The following PLEKHG2 variants were observed in gnomAD, a reference collection of about 807,000 sequenced individuals.
The protein encoded by PLEKHG2 is pleckstrin homology domain-containing family G member 2.
Under a neutral mutation model 104.4 loss-of-function variants are expected in PLEKHG2, and 71 were observed. The ratio of observed to expected loss-of-function variants is 0.68; its 90% confidence interval spans 0.56 to 0.83. The LOEUF (loss-of-function observed/expected upper bound fraction) is 0.83, where lower values mean the gene tolerates loss of function less well. Ranked by LOEUF, PLEKHG2 falls within the 40% of genes least tolerant of loss-of-function variation. PLEKHG2 has a pLI of 0.00. For synonymous variants in PLEKHG2, 728 were observed against 737.0 expected, an observed-to-expected ratio of 0.99 and a Z score of 0.20; for missense variants, 1,730 against 1,809.4, an observed-to-expected ratio of 0.96 and a Z score of 0.80.
chr19:39,425,345 AC>A lies in PLEKHG2; in HGVS notation c.*54del. On this transcript the variant is annotated 3_prime_UTR_variant, in exon 19 of 19. Transcript: ENST00000425673. The stretch of plus-strand genomic sequence containing the variant: ...CAAGGATTTCAGCCAGATGCCATAG[AC>A]CCTCAGAACTTGACCTGGAAGTCCA... The A allele has an allele frequency of 6.4e-7, 1 of 1,556,970 alleles. No individual in the cohort carries two copies. The highest frequency in any genetic ancestry group is 8.7e-7 in the Non-Finnish European group (1 of 1,154,832).
In PLEKHG2 at chr19:39,413,917, C is replaced by G. The variant is rs147217344; in HGVS notation, c.-22-148C>G. 555 of 552,338 alleles carry G rather than the reference C, an allele frequency of 1.0e-3. 3 individuals carry two copies. The highest frequency in any genetic ancestry group is 8.7e-3 in the African/African-American group (460 of 52,862). 34.2% of individuals were successfully genotyped at this position (552,338 alleles called of 1,614,324 possible). ...GTTCTCTCTCCTTGTCCCCTTCTTT[C>G]TGTCACTTTGTGCCTCCCCCATTAG... is the stretch of plus-strand genomic sequence containing the variant. On this transcript the variant is annotated intron_variant, in intron 1 of 18. Transcript: ENST00000425673. The surrounding 1 kb of genome is among the most constrained non-coding windows in gnomAD (Gnocchi z 4.5).
chr19:39,423,060 C>T lies in PLEKHG2; in HGVS notation c.2006C>T (p.Pro669Leu). 1 of 1,614,160 alleles carries T rather than the reference C, an allele frequency of 6.2e-7. No homozygotes were observed. Among genetic ancestry groups the T allele is most frequent in the Non-Finnish European group, 8.5e-7 (1 of 1,180,026 alleles). ...GACATTTCCGATGTTTTTGAGATGC[C>T]CTGCCTTCCAGCCATACCTAGTGTC... ...LSDISDVFEM[P>L]CLPAIPSVPN... The change falls in exon 18 of 19, where the codon CCC (proline) becomes CTC (leucine). Residue 669 changes from proline to leucine, a missense_variant. Pro to Leu is a moderately conservative substitution (Grantham distance 98, BLOSUM62 -3). Transcript: ENST00000425673.
rs2078563978 is a variant in PLEKHG2, at chr19:39,414,153, G to A, written c.67G>A (p.Gly23Ser). ...PSPSLGCGRR[G>S]EVCDCGTVCE... ...CCCAAGCCTCGGGTGTGGCCGAAGA[G>A]GTGAAGTGTGTGACTGTGGCACCGT... Residue 23 changes from glycine (G) to serine (S), a missense_variant, in exon 2 of 19, where the codon GGT becomes AGT. Physicochemically the swap from Gly to Ser is moderately conservative, Grantham distance 56. Transcript: ENST00000425673. The A allele has an allele frequency of 6.4e-7, 1 of 1,551,406 alleles. No homozygotes were observed. Among genetic ancestry groups the A allele is most frequent in the South Asian group, 1.2e-5 (1 of 84,052 alleles).
intron 1 of PLEKHG2, 31 bp from the exon 2 acceptor site, chr19:39,414,034 C>G: frequency 6.8e-7 from 1 of 1,477,820 alleles, no homozygotes; most frequent in Non-Finnish European, 9.2e-7. Flanking sequence ...CCCATGGGGT[C>G]CTGATATCCA....
In PLEKHG2 at chr19:39,423,759, C is replaced by G; in HGVS notation, c.2626C>G (p.Leu876Val). The G allele has an allele frequency of 6.2e-7, 1 of 1,613,102 alleles. No homozygotes were observed. Among genetic ancestry groups the G allele is most frequent in the East Asian group, 2.2e-5 (1 of 44,866 alleles). The part of the protein sequence containing the change: ...PGLLPAFGHV[L>V]VCELAFPLTC... ...GCTCCTGCCTGCCTTTGGACACGTGCTGGTATGTGAGCTGGCCTTCCCACT... is the reference window on the plus strand; with the variant it reads ...GCTCCTGCCTGCCTTTGGACACGTGGTGGTATGTGAGCTGGCCTTCCCACT... The change falls in exon 19 of 19, where the codon CTG becomes GTG. Residue 876 changes from leucine (L) to valine (V), a missense_variant. Transcript: ENST00000425673.
intron 9 of PLEKHG2, 119 bp downstream of exon 9, chr19:39,418,224 A>G (rs755834964): frequency 5.6e-6 from 5 of 899,288 alleles, no homozygotes; most frequent in Non-Finnish European, 7.6e-6. Context: ...TGAGTTAGAG[A>G]ATGGAAGCCA....
chr19:39,420,869 C>T lies in PLEKHG2; in HGVS notation c.1399+17C>T, dbSNP rs745391628. The T allele has an allele frequency of 3.7e-6, 6 of 1,613,932 alleles. No homozygotes were observed. Among genetic ancestry groups the T allele is most frequent in the Non-Finnish European group, 5.1e-6 (6 of 1,179,964 alleles). On this transcript the variant is annotated intron_variant, in intron 13 of 18. Transcript: ENST00000425673. ...GGAACACAGGTAAAGGCGGTGGATC[C>T]CTGAGTCCCAGCCCTCAGCCCCACT...
At position 39,426,686 on chromosome 19, in the gene PLEKHG2, T is replaced by TG. The variant is rs767341433; in HGVS notation, c.*1395dup. The TG allele has an allele frequency of 6.6e-6, 1 of 152,206 alleles. No homozygotes were observed. The highest frequency in any genetic ancestry group is 1.5e-5 in the Non-Finnish European group (1 of 68,034). 9.4% of individuals were successfully genotyped at this position (152,206 alleles called of 1,614,324 possible). A position where few individuals can be genotyped will look rare whatever the true frequency, so the allele number is the denominator to read the frequency against. ...AATGAAGACAACAGTACTTCCCTCC[T>TG]GGGATCATTGAAAGATTTAGGGAGC... is the stretch of plus-strand genomic sequence containing the variant. On this transcript the variant is annotated 3_prime_UTR_variant, in exon 19 of 19. Transcript: ENST00000425673.
chr19:39,423,493 G>T lies in PLEKHG2; in HGVS notation c.2439G>T (p.Thr813=). 2 of 1,588,352 alleles carry T rather than the reference G, an allele frequency of 1.3e-6. No homozygotes were observed. The highest frequency in any genetic ancestry group is 1.3e-5 in the African/African-American group (1 of 74,312). The change falls in exon 18 of 19, where the codon ACG becomes ACT. Residue 813 remains threonine, a synonymous_variant. Coordinates refer to ENST00000425673, the MANE Select transcript of PLEKHG2 (RefSeq NM_022835.3). The part of the protein sequence containing the change: ...GKAGAPSSER[T]ASRVRELARL... Reference sequence around the variant, plus strand: ...CAGGAGCCCCGAGTTCAGAAAGGACGGCGTCCCGAGTGCGAGAGCTGGCCC... The same window carrying T: ...CAGGAGCCCCGAGTTCAGAAAGGACTGCGTCCCGAGTGCGAGAGCTGGCCC...
rs1359880599 is a variant in PLEKHG2 at position 39,423,760 on chromosome 19, T to C, written c.2627T>C (p.Leu876Pro). 1 of 1,613,236 alleles carries C rather than the reference T, an allele frequency of 6.2e-7. No homozygotes were observed. The highest frequency in any genetic ancestry group is 8.5e-7 in the Non-Finnish European group (1 of 1,179,456). Reference protein sequence around the residue: ...PGLLPAFGHVLVCELAFPLTC... With the variant: ...PGLLPAFGHVPVCELAFPLTC... ...CTCCTGCCTGCCTTTGGACACGTGC[T>C]GGTATGTGAGCTGGCCTTCCCACTG... Residue 876 changes from leucine to proline, a missense_variant, in exon 19 of 19, where the codon CTG becomes CCG. Physicochemically the swap from Leu to Pro is moderately conservative, Grantham distance 98. Coordinates refer to ENST00000425673, the MANE Select transcript of PLEKHG2 (RefSeq NM_022835.3).
intron 11 of PLEKHG2, 77 bp from the exon 12 acceptor site, chr19:39,420,549 G>T: frequency 6.3e-7 from 1 of 1,592,860 alleles, no homozygotes; most frequent in South Asian, 1.1e-5. Context: ...TAATGGGCAT[G>T]ACTACGGTGC....
chr19:39,425,488 GT>G lies in PLEKHG2; in HGVS notation c.*198del. 1 of 880,350 alleles carries G rather than the reference GT, an allele frequency of 1.1e-6. No homozygotes were observed. The highest frequency in any genetic ancestry group is 1.6e-6 in the Non-Finnish European group (1 of 617,906). The allele number at this position is 880,350 out of a possible 1,614,324, so 54.5% of individuals were successfully genotyped here. ...TGGGGAAGGGAGGAATGTCATTAAT[GT>G]TTTGTTAATACTGATTCTTTCATGC... On this transcript the variant is annotated 3_prime_UTR_variant, in exon 19 of 19. Coordinates refer to ENST00000425673, the MANE Select transcript of PLEKHG2 (RefSeq NM_022835.3).
Position 39,416,576 on chromosome 19 carries a change from T to G in PLEKHG2, c.572T>G (p.Leu191Trp). The change falls in exon 6 of 19, where the codon TTG becomes TGG. Residue 191 changes from leucine (L) to tryptophan (W), a missense_variant. Physicochemically the swap from Leu to Trp is moderately conservative, Grantham distance 61. Coordinates refer to ENST00000425673, the MANE Select transcript of PLEKHG2 (RefSeq NM_022835.3). The surrounding 1 kb of genome is among the most constrained non-coding windows in gnomAD (Gnocchi z 4.5). ...AGCGAGGATTTTGACATCTACACATTGTACTGCATGAACTACCCGAGGTGA... is the reference window on the plus strand; with the variant it reads ...AGCGAGGATTTTGACATCTACACATGGTACTGCATGAACTACCCGAGGTGA... ...QRSEDFDIYTLYCMNYPSSLA... is the reference protein window; with the variant it reads ...QRSEDFDIYTWYCMNYPSSLA... 2 of 1,613,842 alleles carry G rather than the reference T, an allele frequency of 1.2e-6. No homozygotes were observed. The highest frequency in any genetic ancestry group is 2.2e-5 in the East Asian group (1 of 44,850).
In PLEKHG2 at chr19:39,426,113, G is replaced by A. The variant is rs3746079; in HGVS notation, c.*819G>A. On this transcript the variant is annotated 3_prime_UTR_variant, in exon 19 of 19. Transcript: ENST00000425673. ...TCACCCAGCCATCTCCCAATCCATC[G>A]ACATACCCCATCCCTCCCTCACTGG... 0.06 allele frequency: 9,161 copies of A among 152,200 alleles called. 865 individuals carry two copies. Among genetic ancestry groups the A allele is most frequent in the African/African-American group, 0.2 (8,434 of 41,408 alleles). The allele number at this position is 152,200 out of a possible 1,614,324, so 9.4% of individuals were successfully genotyped here.
chr19:39,420,686 G>A (rs1243682408), intron 12 of PLEKHG2, 27 bp downstream of exon 12: 2 of 1,614,186 alleles, frequency 1.2e-6, no homozygotes, highest in Admixed American at 1.7e-5. Flanking sequence ...GGCTGGGAGG[G>A]TGTGGAAGTA....
rs1293085652 is a variant in PLEKHG2, at chr19:39,426,293, G to A, written c.*999G>A. The A allele has an allele frequency of 6.6e-6, 1 of 152,118 alleles. No individual in the cohort carries two copies. Among genetic ancestry groups the A allele is most frequent in the South Asian group, 2.1e-4 (1 of 4,812 alleles). The allele number at this position is 152,118 out of a possible 1,614,324, so 9.4% of individuals were successfully genotyped here. On this transcript the variant is annotated 3_prime_UTR_variant, in exon 19 of 19. Coordinates refer to ENST00000425673, the MANE Select transcript of PLEKHG2 (RefSeq NM_022835.3). ...GTTCCTCTTGAATATCCCAGTTCTT[G>A]TACCCACTCACATACCTCAGATCCC...
At chr19:39,414,331 C>T (rs2078567196) in intron 2 of PLEKHG2, 136 bp downstream of exon 2, 1 of 895,994 alleles carries the variant, frequency 1.1e-6, no homozygotes, top group Non-Finnish European at 1.7e-6. Flanking sequence ...GGGCCCATCC[C>T]CAGGCAATGA....
rs140586164 is a variant in PLEKHG2 at position 39,417,297 on chromosome 19, C to T, written c.745-258C>T. On this transcript the variant is annotated intron_variant, in intron 7 of 18. Coordinates refer to ENST00000425673, the MANE Select transcript of PLEKHG2 (RefSeq NM_022835.3). ...CCTCCTGAGTAGCTAGGATTACAGG[C>T]GCACACCACCATGCCCAGCTAATTT... Among the ~76,000 whole-genome samples the T allele has an allele frequency of 6.1e-3, 926 of 152,152 alleles. 8 individuals carry two copies. The highest frequency in any genetic ancestry group is 0.021 in the African/African-American group (859 of 41,510).
rs774694380 is a variant in PLEKHG2, at chr19:39,415,419, GGACATCTAC to G, written c.462_470del (p.Asp154_Tyr156del). On this transcript the variant is annotated inframe_deletion, in exon 4 of 19. Coordinates refer to ENST00000425673, the MANE Select transcript of PLEKHG2 (RefSeq NM_022835.3). This position sits in a 1 kb window ranked among gnomAD's most constrained non-coding sequence, Gnocchi z 4.6. ...TGGGCACGCTGTTTGCCAACATTGA[GGACATCTAC>G]GAGTTCAGCAGGTCAGGGGCAGGGG... The G allele has an allele frequency of 1.2e-6, 2 of 1,614,094 alleles. No homozygotes were observed. Among genetic ancestry groups the G allele is most frequent in the Non-Finnish European group, 1.7e-6 (2 of 1,180,000 alleles).
Sources: gnomAD v4.1 joint callset for allele counts (sites outside exome capture counted in the v4.1 genomes callset) on GRCh38, gnomAD v4.1.1 for gene constraint, Gnocchi (gnomAD v3.1) non-coding constraint, MANE v1.5 for transcripts, NCBI Gene and HGNC (gene_info 2026-07-23, HGNC 2026-07-21) for gene names.